Variants in BRWD3 observed in about 807,000 individuals in gnomAD.
BRWD3 encodes the protein bromodomain and WD repeat domain containing 3.
A neutral mutation model predicts 149.7 loss-of-function variants in BRWD3; 10 were observed. The observed-to-expected ratio is 0.07, with a 90% CI of 0.04 to 0.11. The LOEUF (loss-of-function observed/expected upper bound fraction) is 0.11. BRWD3 is among the 10% of genes least tolerant of loss of function. The probability of loss-of-function intolerance (pLI) is 1.00; values close to 1 mark genes in which losing one functional copy is unlikely to be tolerated. For missense variants in BRWD3, 940 were observed against 1,373.2 expected (o/e 0.68, Z 4.99); for synonymous variants, 504 against 456.7 (o/e 1.10, Z -1.32).
chrX:80,682,693 C>T, intron 37 of BRWD3, 65 bp from the exon 38 acceptor site: 10 of 1,043,130 alleles, frequency 9.6e-6, no homozygotes, highest in Non-Finnish European at 1.3e-5. Context: ...ATAAACATGC[C>T]TAGACCAATA....
intron 6 of BRWD3, 94 bp from the exon 7 acceptor site, chrX:80,745,823 A>G: frequency 1.2e-6 from 1 of 843,546 alleles, no homozygotes; most frequent in African/African-American, 2.0e-5. Flanking sequence ...AACAGAGTAC[A>G]TATATTATAG....
rs991234197 is a variant in BRWD3, at chrX:80,679,165, T to C, written c.4655-1802A>G. Among the ~76,000 whole-genome samples the C allele has an allele frequency of 1.8e-4, 20 of 112,175 alleles. 1 individual carries two copies. The highest frequency in any genetic ancestry group is 6.2e-4 in the African/African-American group (19 of 30,870). ...TGTTTAAGCCACCCAGTCTGTGGTA[T>C]CTTGTTATGGAAACCCAAGCTGACT... On this transcript the variant is annotated intron_variant, in intron 40 of 40. Transcript: ENST00000373275.
intron 6 of BRWD3, among the ~76,000 whole-genome samples, chrX:80,758,303 AAT>A (rs1365946577): frequency 5.3e-5 from 6 of 112,171 alleles, no homozygotes; most frequent in Non-Finnish European, 1.1e-4. Context: ...CAATTTCAGG[AAT>A]GAGTAAAATA....
intron 21 of BRWD3, among the ~76,000 whole-genome samples, chrX:80,708,114 G>T (rs1195747533): frequency 8.9e-6 from 1 of 112,272 alleles, no homozygotes; most frequent in African/African-American, 3.2e-5. Context: ...GGGAGCATCA[G>T]GTCAGGTGCA....
At chrX:80,788,066 A>G (rs2074133091) in intron 6 of BRWD3, among the ~76,000 whole-genome samples, 1 of 107,670 alleles carries the variant, frequency 9.3e-6, no homozygotes, top group African/African-American at 3.4e-5. Flanking sequence ...CCTGGGTGAC[A>G]GAGCGAGACT....
chrX:80,705,115 A>T (rs2072844379), intron 22 of BRWD3, among the ~76,000 whole-genome samples: 1 of 110,726 alleles, frequency 9.0e-6, no homozygotes, highest in Non-Finnish European at 1.9e-5. Flanking sequence ...AAAATACAAA[A>T]ATTAGCCGGG....
chrX:80,735,328 A>C, intron 9 of BRWD3, 131 bp from the exon 10 acceptor site: 1 of 516,986 alleles, frequency 1.9e-6, no homozygotes, highest in Non-Finnish European at 3.4e-6. Context: ...GTGGTCAATA[A>C]GTACTATTCT....
intron 3 of BRWD3, 136 bp from the exon 4 acceptor site, chrX:80,808,734 T>TC: frequency 3.3e-6 from 1 of 304,271 alleles, no homozygotes; most frequent in Non-Finnish European, 5.7e-6. Context: ...GCCTGATAGC[T>TC]ATTGGCTCAG....
intron 6 of BRWD3, among the ~76,000 whole-genome samples, chrX:80,776,494 T>C (rs1001043084): frequency 8.9e-6 from 1 of 111,820 alleles, no homozygotes; most frequent in African/African-American, 3.2e-5. Flanking sequence ...TTTTGAAACA[T>C]TTATAAGACT....
intron 20 of BRWD3, among the ~76,000 whole-genome samples, chrX:80,712,999 C>A (rs2073010247): frequency 9.1e-6 from 1 of 109,881 alleles, no homozygotes; most frequent in African/African-American, 3.3e-5. Context: ...CCGGCAGCCA[C>A]CCCGTCCGGG....
At chrX:80,769,315 A>G (rs751388229) in intron 6 of BRWD3, among the ~76,000 whole-genome samples, 1 of 111,820 alleles carries the variant, frequency 8.9e-6, no homozygotes, top group Admixed American at 9.6e-5. Context: ...CAACACACCT[A>G]TTCCAAAATT....
chrX:80,677,162 C>A lies in BRWD3; in HGVS notation c.4856G>T (p.Cys1619Phe), dbSNP rs752398099. The change falls in exon 41 of 41, where the codon TGT becomes TTT. Residue 1619 changes from cysteine to phenylalanine, a missense_variant. Transcript: ENST00000373275. ...TGATTCAGAGTCAGAGTCAGAACCA[C>A]AGGTACTTTCAGAACTTAAACTGGA... ...LGSSLSSEST[C>F]GSDSDSESTS... 8.3e-7 allele frequency: 1 copy of A among 1,210,156 alleles called. No individual in the cohort carries two copies. The highest frequency in any genetic ancestry group is 1.1e-6 in the Non-Finnish European group (1 of 895,193).
intron 6 of BRWD3, among the ~76,000 whole-genome samples, chrX:80,769,520 A>G (rs2073908714): frequency 8.9e-6 from 1 of 111,774 alleles, no homozygotes; most frequent in Non-Finnish European, 1.9e-5. Flanking sequence ...TGAAGGCAGA[A>G]AAAAAGATGA....
chrX:80,673,190 A>T lies in BRWD3; in HGVS notation c.*3419T>A, dbSNP rs912125921. On this transcript the variant is annotated 3_prime_UTR_variant, in exon 41 of 41. Transcript: ENST00000373275. ...ACAGTTGTGCAGAATGAGATTTCTA[A>T]TTTTACTCAGTTACTTTGTTACTTT... The T allele has an allele frequency of 5.4e-5, 6 of 111,834 alleles. No homozygotes were observed. The Admixed American group carries it at 5.7e-4, about 11-fold the overall frequency. The allele number at this position is 111,834 out of a possible 1,213,427, so 9.2% of individuals were successfully genotyped here.
intron 4 of BRWD3, among the ~76,000 whole-genome samples, chrX:80,805,636 T>G (rs1200363164): frequency 8.9e-6 from 1 of 111,755 alleles, no homozygotes; most frequent in African/African-American, 3.3e-5. Flanking sequence ...AATAACAATT[T>G]AAAAAATACC....
intron 21 of BRWD3, among the ~76,000 whole-genome samples, chrX:80,708,980 T>C (rs1011419408): frequency 8.9e-6 from 1 of 112,068 alleles, no homozygotes; most frequent in African/African-American, 3.2e-5. Context: ...CTTTATTCAT[T>C]ACCATGAAAA....
In BRWD3 at chrX:80,684,026, G is replaced by A; in HGVS notation, c.4217C>T (p.Ser1406Phe). ...QIFNNSKAYT[S>F]NKKSRIYSMM... ...TAATCATACCCTTGACTTTTTATTA[G>A]AGGTATAAGCTTTGGAGTTGTTGAA... Residue 1406 changes from serine to phenylalanine, a missense_variant, in exon 37 of 41, where the codon TCT (serine) becomes TTT (phenylalanine). Transcript: ENST00000373275. 8.3e-7 allele frequency: 1 copy of A among 1,208,323 alleles called. No homozygotes were observed. Among genetic ancestry groups the A allele is most frequent in the Non-Finnish European group, 1.1e-6 (1 of 893,175 alleles).
intron 6 of BRWD3, among the ~76,000 whole-genome samples, chrX:80,754,361 T>C (rs2073710928): frequency 8.9e-6 from 1 of 112,208 alleles, no homozygotes; most frequent in South Asian, 3.7e-4. Context: ...TTTTGTAACC[T>C]GAAACTTTAC....
At chrX:80,726,425 TAAAGG>T (rs754422423) in intron 14 of BRWD3, among the ~76,000 whole-genome samples, 1 of 110,898 alleles carries the variant, frequency 9.0e-6, no homozygotes, top group South Asian at 3.7e-4. Flanking sequence ...ATATGCCTCA[TAAAGG>T]AAAAGTTTAC....
Sources: gnomAD v4.1 joint callset for allele counts (sites outside exome capture counted in the v4.1 genomes callset) on GRCh38, gnomAD v4.1.1 for gene constraint, MANE v1.5 for transcripts, NCBI Gene and HGNC (gene_info 2026-07-23, HGNC 2026-07-21) for gene names.